GOLIM4: variants seen among roughly 807,000 people sequenced by gnomAD.
GOLIM4 encodes the protein golgi integral membrane protein 4, also known as 130 kDa golgi-localized phosphoprotein.
A neutral mutation model predicts 107.4 loss-of-function variants in GOLIM4; 71 were observed. The observed-to-expected ratio is 0.66, with a 90% confidence interval of 0.55 to 0.81. The LOEUF (loss-of-function observed/expected upper bound fraction) is 0.81. Ranked by LOEUF, GOLIM4 falls within the 30% of genes least tolerant of loss-of-function variation. The probability of loss-of-function intolerance (pLI) is 0.00; values close to 1 mark genes in which losing one functional copy is unlikely to be tolerated. For missense variants in GOLIM4, 830 were observed against 826.1 expected (o/e 1.00, Z -0.06); for synonymous variants, 327 against 294.8 (o/e 1.11, Z -1.12).
chr3:168,029,620 A>G (rs1380117683), intron 10 of GOLIM4, among the ~76,000 whole-genome samples, 160 bp downstream of exon 10: 1 of 152,200 alleles, frequency 6.6e-6, no homozygotes, highest in Non-Finnish European at 1.5e-5. Context: ...TTAAAATTAA[A>G]TATTTGGTAT....
Position 168,095,311 on chromosome 3 carries a change from G to A in GOLIM4, c.-26C>T. The A allele has an allele frequency of 5.6e-6, 9 of 1,595,968 alleles. No homozygotes were observed. The highest frequency in any genetic ancestry group is 1.1e-5 in the South Asian group (1 of 89,576). ...AGTCCCGCCTGGACCCAAAGCCGCG[G>A]CCGCCCCCGCCGTCTCCTCCCCTTG... On this transcript the variant is annotated 5_prime_UTR_variant, in exon 1 of 16. Transcript: ENST00000470487.
At position 168,029,833 on chromosome 3, in the gene GOLIM4, C is replaced by T; in HGVS notation, c.1380G>A (p.Leu460=). ...CCTCCTCAAGCTCAGCCTGCCTCTG[C>T]AGGGCCATCTCTCTTGCCACCTGCT... ...QQQQVAREMA[L]QRQAELEEGR... is the part of the protein sequence containing the mutation. The change falls in exon 10 of 16, where the codon CTG becomes CTA. Residue 460 remains leucine, a synonymous_variant. Transcript: ENST00000470487. 1.2e-6 allele frequency: 2 copies of T among 1,614,112 alleles called. No homozygotes were observed. Among genetic ancestry groups the T allele is most frequent in the Non-Finnish European group, 1.7e-6 (2 of 1,180,036 alleles).
intron 1 of GOLIM4, among the ~76,000 whole-genome samples, chr3:168,072,600 A>AG (rs1720888186): frequency 6.6e-6 from 1 of 152,074 alleles, no homozygotes; most frequent in Non-Finnish European, 1.5e-5. Context: ...GGCCATAAAT[A>AG]GCTAGACTAA....
intron 14 of GOLIM4, among the ~76,000 whole-genome samples, chr3:168,018,323 C>T (rs1476402274): frequency 6.6e-6 from 1 of 152,098 alleles, no homozygotes; most frequent in African/African-American, 2.4e-5. Context: ...CCAGGTGAGA[C>T]AAGAATGAAC....
chr3:168,093,652 C>A (rs1288982511), intron 1 of GOLIM4, among the ~76,000 whole-genome samples: 1 of 152,156 alleles, frequency 6.6e-6, no homozygotes, highest in Non-Finnish European at 1.5e-5. Flanking sequence ...TATTCTCATA[C>A]CAACAATAAC....
In GOLIM4 at chr3:168,090,720, G is replaced by C. The variant is rs534419313; in HGVS notation, c.187+4379C>G. ...TTATACAAAAAAGATACCTGCACTT[G>C]TATGTTTATTGCAGCACTATTCACA... is the stretch of plus-strand genomic sequence containing the variant. On this transcript the variant is annotated intron_variant, in intron 1 of 15. Transcript: ENST00000470487. Among the ~76,000 whole-genome samples the C allele has an allele frequency of 2.6e-5, 4 of 152,232 alleles. No individual in the cohort carries two copies. In the East Asian group the frequency reaches 7.7e-4, roughly 29 times the overall value.
At chr3:168,094,331 T>A (rs1266076653) in intron 1 of GOLIM4, among the ~76,000 whole-genome samples, 1 of 152,226 alleles carries the variant, frequency 6.6e-6, no homozygotes, top group East Asian at 1.9e-4. Context: ...CATGGCAAAG[T>A]GAAAACCTGT....
At chr3:168,071,392 G>A (rs1720821736) in intron 1 of GOLIM4, among the ~76,000 whole-genome samples, 1 of 152,004 alleles carries the variant, frequency 6.6e-6, no homozygotes, top group South Asian at 2.1e-4. Context: ...AAGAAGACAA[G>A]GACAGAATCT....
intron 11 of GOLIM4, among the ~76,000 whole-genome samples, chr3:168,028,442 C>T (rs1023007802): frequency 6.6e-6 from 1 of 152,114 alleles, no homozygotes; most frequent in Non-Finnish European, 1.5e-5. Flanking sequence ...GAACAAATCA[C>T]TTTTTAAAAC....
At chr3:168,014,588 A>G (rs1279890444) in intron 14 of GOLIM4, among the ~76,000 whole-genome samples, 1 of 130,702 alleles carries the variant, frequency 7.7e-6, no homozygotes, top group Admixed American at 7.0e-5. Flanking sequence ...CACAACAAAA[A>G]AAAAGAATTT....
Position 168,095,333 on chromosome 3 carries a change from C to T in GOLIM4, c.-48G>A, listed in dbSNP as rs774074421. 12 of 1,557,586 alleles carry T rather than the reference C, an allele frequency of 7.7e-6. No homozygotes were observed. In the Admixed American group the frequency reaches 1.4e-4, roughly 18 times the overall value. ...GCGGCCGCCCCCGCCGTCTCCTCCC[C>T]TTGGTCCGAGCGAGCGTCTCAGCAG... On this transcript the variant is annotated 5_prime_UTR_variant, in exon 1 of 16. Coordinates refer to ENST00000470487, the MANE Select transcript of GOLIM4 (RefSeq NM_014498.5).
chr3:168,030,510 CA>C (rs11411251), intron 9 of GOLIM4, among the ~76,000 whole-genome samples: 14,930 of 102,264 alleles, frequency 0.15, 1,055 homozygotes, highest in African/African-American at 0.33. Flanking sequence ...TAAGCATAGC[CA>C]AAAAAAAAAA....
intron 1 of GOLIM4, among the ~76,000 whole-genome samples, chr3:168,084,887 T>G (rs1721545629): frequency 6.6e-6 from 1 of 152,050 alleles, no homozygotes; most frequent in African/African-American, 2.4e-5. Context: ...ATGTAGTGGC[T>G]AAAGTTTAGC....
At chr3:168,084,720 T>G (rs1003773940) in intron 1 of GOLIM4, among the ~76,000 whole-genome samples, 8 of 152,206 alleles carry the variant, frequency 5.3e-5, no homozygotes, top group African/African-American at 1.7e-4. Context: ...CATAAAAATC[T>G]AAAGGTGGAA....
intron 1 of GOLIM4, among the ~76,000 whole-genome samples, chr3:168,072,115 G>T (rs1414439960): frequency 6.6e-6 from 1 of 152,128 alleles, no homozygotes; most frequent in Non-Finnish European, 1.5e-5. Flanking sequence ...TTGCACTGAT[G>T]ATCTGAGGAA....
At chr3:168,020,668 T>A (rs1334890211) in intron 14 of GOLIM4, among the ~76,000 whole-genome samples, 1 of 152,206 alleles carries the variant, frequency 6.6e-6, no homozygotes, top group Non-Finnish European at 1.5e-5. Flanking sequence ...GACCACTGAT[T>A]TCAACGACTC....
rs184900922 is a variant in GOLIM4 at position 168,010,742 on chromosome 3, C to A, written c.1941+1G>T. 1 of 1,595,656 alleles carries A rather than the reference C, an allele frequency of 6.3e-7. No homozygotes were observed. The highest frequency in any genetic ancestry group is 1.7e-5 in the Admixed American group (1 of 60,010). On this transcript the variant is annotated splice_donor_variant, in intron 15 of 15. Coordinates refer to ENST00000470487, the MANE Select transcript of GOLIM4 (RefSeq NM_014498.5). LOFTEE classifies it high-confidence loss of function. ...AATAGAAATATGTATCCCGGTCATA[C>A]ATTTTCATCATTTTCACCATAGGTC...
intron 1 of GOLIM4, among the ~76,000 whole-genome samples, chr3:168,085,378 G>A (rs1180004560): frequency 2.6e-5 from 4 of 152,146 alleles, no homozygotes; most frequent in Non-Finnish European, 5.9e-5. Flanking sequence ...GGAAATTTAA[G>A]GGCATGCATT....
At chr3:168,042,744 C>CAAATTTATG (rs1346216458) in intron 5 of GOLIM4, among the ~76,000 whole-genome samples, 23 of 152,158 alleles carry the variant, frequency 1.5e-4, no homozygotes, top group African/African-American at 5.3e-4. Context: ...TGATGGGTAG[C>CAAATTTATG]AAATTTATGA....
Sources: allele counts gnomAD v4.1 joint callset (sites outside exome capture counted in the v4.1 genomes callset), GRCh38; gene constraint gnomAD v4.1.1; transcripts MANE v1.5; gene names NCBI Gene and HGNC (gene_info 2026-07-23, HGNC 2026-07-21).